Variants in KIF24 observed in about 807,000 individuals in gnomAD.
KIF24 encodes the protein kinesin-like protein KIF24.
Under a neutral mutation model 118.9 loss-of-function variants are expected in KIF24, and 81 were observed. That is an observed-to-expected ratio of 0.68 (90% CI 0.57 to 0.82). KIF24 has a LOEUF of 0.82. Among genes scored for constraint, KIF24 ranks in the 40% least tolerant of loss-of-function variants. The probability of loss-of-function intolerance (pLI) is 0.00; values close to 1 mark genes in which losing one functional copy is unlikely to be tolerated. For missense variants in KIF24, 1,560 were observed against 1,661.6 expected, an observed-to-expected ratio of 0.94 and a Z score of 1.06; for synonymous variants, 599 against 610.0, an observed-to-expected ratio of 0.98 and a Z score of 0.27.
intron 2 of KIF24, among the ~76,000 whole-genome samples, chr9:34,307,450 A>C (rs1184956764): frequency 6.6e-6 from 1 of 152,222 alleles, no homozygotes; most frequent in African/African-American, 2.4e-5. Flanking sequence ...GAATGCATAA[A>C]GCACTAATTT....
intron 1 of KIF24, among the ~76,000 whole-genome samples, chr9:34,317,144 G>C (rs1231881247): frequency 6.6e-6 from 1 of 151,954 alleles, no homozygotes; most frequent in African/African-American, 2.4e-5. Flanking sequence ...CTTGTACCGG[G>C]AAAGTGGAGG....
intron 1 of KIF24, among the ~76,000 whole-genome samples, chr9:34,317,519 A>T (rs894679477): frequency 2.0e-5 from 3 of 152,242 alleles, no homozygotes; most frequent in African/African-American, 7.2e-5. Flanking sequence ...CAGTCCAAAA[A>T]TATTAAGTGA....
chr9:34,319,344 G>A (rs1837438813), intron 1 of KIF24: 1 of 877,854 alleles, frequency 1.1e-6, no homozygotes, highest in Non-Finnish European at 1.9e-6. Context: ...AAGTTCCCAT[G>A]ACCTGCAGAA....
chr9:34,298,500 C>T (rs373023840), intron 3 of KIF24, among the ~76,000 whole-genome samples: 2 of 150,814 alleles, frequency 1.3e-5, no homozygotes, highest in African/African-American at 2.4e-5. Context: ...GAGCTGAGAT[C>T]GCACCATTGC....
intron 1 of KIF24, among the ~76,000 whole-genome samples, chr9:34,320,683 GA>G (rs992377037): frequency 1.6e-5 from 2 of 127,982 alleles, no homozygotes; most frequent in African/African-American, 5.5e-5. Context: ...AAAAAAAAAG[GA>G]AAAAAAGAAA....
intron 6 of KIF24, chr9:34,282,729 A>G (rs185031314): frequency 4.3e-4 from 66 of 152,292 alleles, no homozygotes; most frequent in African/African-American, 1.5e-3. Context: ...GATCTTAGCC[A>G]AAAGACTGAG....
chr9:34,253,997 C>A lies in KIF24; in HGVS notation c.*383G>T, dbSNP rs1178904411. 6.2e-6 allele frequency: 1 copy of A among 162,458 alleles called. No homozygotes were observed. Among genetic ancestry groups the A allele is most frequent in the East Asian group, 1.8e-4 (1 of 5,652 alleles). The allele number at this position is 162,458 out of a possible 1,614,324, so 10.1% of individuals were successfully genotyped here. A position where few individuals can be genotyped will look rare whatever the true frequency, so the allele number is the denominator to read the frequency against. ...CATGTTGTCTTCTCTGTCTTGTGAC[C>A]TCTGACCTCTAGGCTACCACTGACC... is the stretch of plus-strand genomic sequence containing the variant. On this transcript the variant is annotated 3_prime_UTR_variant, in exon 13 of 13. Transcript: ENST00000402558.
chr9:34,307,905 T>TG (rs1313109415), intron 2 of KIF24, among the ~76,000 whole-genome samples: 1 of 151,270 alleles, frequency 6.6e-6, no homozygotes, highest in Admixed American at 6.6e-5. Flanking sequence ...AATTGGATGA[T>TG]GGACATATTG....
At chr9:34,284,999 AC>A (rs1220095391) in intron 6 of KIF24, among the ~76,000 whole-genome samples, 1 of 152,180 alleles carries the variant, frequency 6.6e-6, no homozygotes, top group East Asian at 1.9e-4. Flanking sequence ...ATTTGTACTT[AC>A]GTTAATAAAT....
intron 8 of KIF24, among the ~76,000 whole-genome samples, chr9:34,267,001 A>G (rs1835322892): frequency 6.6e-6 from 1 of 152,210 alleles, no homozygotes; most frequent in Non-Finnish European, 1.5e-5. Context: ...GGTAACATGA[A>G]CTCCAACTCA....
At chr9:34,307,054 C>T (rs1836952742) in intron 2 of KIF24, among the ~76,000 whole-genome samples, 1 of 151,988 alleles carries the variant, frequency 6.6e-6, no homozygotes, top group Admixed American at 6.6e-5. Flanking sequence ...TTTCCTTAGC[C>T]CTCCAACTGG....
At chr9:34,286,999 G>T (rs189740814) in intron 5 of KIF24, among the ~76,000 whole-genome samples, 1 of 152,334 alleles carries the variant, frequency 6.6e-6, no homozygotes, top group East Asian at 1.9e-4. Flanking sequence ...TTTGTTCAGA[G>T]GTGGATATGG....
At position 34,256,075 on chromosome 9, in the gene KIF24, CCT is replaced by C. The variant is rs769412039; in HGVS notation, c.3530_3531del (p.Glu1177GlyfsTer36). 4.3e-6 allele frequency: 7 copies of C among 1,613,864 alleles called. No individual in the cohort carries two copies. Among genetic ancestry groups the C allele is most frequent in the Non-Finnish European group, 5.9e-6 (7 of 1,179,866 alleles). On this transcript the variant is annotated frameshift_variant, in exon 11 of 13. Transcript: ENST00000402558. LOFTEE classifies it high-confidence loss of function. ...MGSEQYDADA[E>X]ETGLDGSWGF... ...CCCCAGGAGCCATCCAGCCCCGTCT[CCT>C]CTGCATCAGCATCATACTGCTCACT...
intron 6 of KIF24, among the ~76,000 whole-genome samples, chr9:34,285,853 C>A (rs1836027787): frequency 7.0e-6 from 1 of 143,112 alleles, no homozygotes; most frequent in Admixed American, 7.2e-5. Flanking sequence ...ACTTGGGAGG[C>A]TGAAGTGGGA....
At chr9:34,314,843 A>G (rs1446965830) in intron 1 of KIF24, among the ~76,000 whole-genome samples, 1 of 152,260 alleles carries the variant, frequency 6.6e-6, no homozygotes, top group Non-Finnish European at 1.5e-5. Context: ...AATTACAAAG[A>G]GTAAGTAAAC....
At chr9:34,317,156 T>G (rs1837355533) in intron 1 of KIF24, among the ~76,000 whole-genome samples, 2 of 151,308 alleles carry the variant, frequency 1.3e-5, no homozygotes, top group South Asian at 2.1e-4. Context: ...AAGTGGAGGT[T>G]GCGGTGAGCT....
chr9:34,286,606 GAATTA>G lies in KIF24; in HGVS notation c.1215+6_1215+10del, dbSNP rs1291476185. On this transcript the variant is annotated splice_donor_region_variant and intron_variant, in intron 6 of 12. Coordinates refer to ENST00000402558, the MANE Select transcript of KIF24 (RefSeq NM_194313.4). The stretch of plus-strand genomic sequence containing the variant: ...TTGTGGTGGGGTAATAAAGAAGGAA[GAATTA>G]ATTACCTCTAAGAGGAGCTCCACAC... 5 of 1,577,896 alleles carry G rather than the reference GAATTA, an allele frequency of 3.2e-6. No individual in the cohort carries two copies. The East Asian group carries it at 1.1e-4, about 35-fold the overall frequency.
chr9:34,310,673 C>G, intron 2 of KIF24, 51 bp downstream of exon 2: 2 of 1,421,390 alleles, frequency 1.4e-6, no homozygotes, highest in Non-Finnish European at 1.9e-6. Context: ...AGAGGCCTGC[C>G]CTTGCCTGAG....
intron 1 of KIF24, among the ~76,000 whole-genome samples, chr9:34,314,320 C>T (rs551155100): frequency 2.4e-4 from 36 of 152,126 alleles, no homozygotes; most frequent in Non-Finnish European, 4.3e-4. Context: ...CGCGCCACCA[C>T]GCCCGGCTAA....
Sources: gnomAD v4.1 joint callset for allele counts (sites outside exome capture counted in the v4.1 genomes callset) on GRCh38, gnomAD v4.1.1 for gene constraint, MANE v1.5 for transcripts, NCBI Gene and HGNC (gene_info 2026-07-23, HGNC 2026-07-21) for gene names.